PPAT: variants seen among roughly 807,000 people sequenced by gnomAD.
The protein encoded by PPAT is amidophosphoribosyltransferase.
Under a neutral mutation model 60.2 loss-of-function variants are expected in PPAT, and 20 were observed. The observed-to-expected ratio is 0.33, with a 90% confidence interval of 0.23 to 0.48. PPAT has a LOEUF of 0.48. PPAT is among the 20% of genes least tolerant of loss of function. The pLI is 0.99. For synonymous variants in PPAT, 194 were observed against 215.1 expected, an observed-to-expected ratio of 0.90 and a Z score of 0.86; for missense variants, 349 against 629.6, an observed-to-expected ratio of 0.55 and a Z score of 4.77.
intron 4 of PPAT, 22 bp from the exon 5 acceptor site, chr4:56,403,207 A>G (rs1307722446): frequency 3.7e-6 from 6 of 1,600,230 alleles, no homozygotes; most frequent in African/African-American, 2.7e-5. Context: ...TAAATAATTG[A>G]ATGAATAACT....
intron 1 of PPAT, among the ~76,000 whole-genome samples, chr4:56,417,673 C>A (rs1177479964): frequency 1.3e-5 from 2 of 152,010 alleles, no homozygotes; most frequent in African/African-American, 2.4e-5. Flanking sequence ...GTAGTCCCAG[C>A]TACTTGTGAG....
chr4:56,421,038 C>A (rs1050556228), intron 1 of PPAT: 1 of 152,132 alleles, frequency 6.6e-6, no homozygotes, highest in Non-Finnish European at 1.5e-5. Flanking sequence ...GAGTGGTGGG[C>A]GAGCCAAGCT....
chr4:56,427,494 G>A (rs542805775), intron 1 of PPAT, among the ~76,000 whole-genome samples: 13 of 152,172 alleles, frequency 8.5e-5, no homozygotes, highest in African/African-American at 3.1e-4. Context: ...CAACAAGAGT[G>A]ATTTAAACAC....
intron 1 of PPAT, among the ~76,000 whole-genome samples, chr4:56,413,318 C>T (rs755903233): frequency 6.6e-6 from 1 of 152,080 alleles, no homozygotes; most frequent in Non-Finnish European, 1.5e-5. Context: ...CCATGCCCAG[C>T]TAGTTTTTGT....
chr4:56,410,719 T>C (rs1440495826), intron 1 of PPAT: 2 of 986,478 alleles, frequency 2.0e-6, no homozygotes, highest in Non-Finnish European at 2.4e-6. Flanking sequence ...ATCTCAAATA[T>C]GAATATAGAA....
rs6843073 is a variant in PPAT, at chr4:56,435,515, G to A, written c.-38C>T. The A allele has an allele frequency of 0.046, 74,038 of 1,612,258 alleles. 2,278 individuals carry two copies. Among genetic ancestry groups the A allele is most frequent in the Admixed American group, 0.13 (7,530 of 60,010 alleles). ...AGCACGTGGAAGGACCTGCCGCTGC[G>A]GCCAAGGTGTAAGCACCAACCAGCT... On this transcript the variant is annotated 5_prime_UTR_variant, in exon 1 of 11. Coordinates refer to ENST00000264220, the MANE Select transcript of PPAT (RefSeq NM_002703.5).
intron 1 of PPAT, chr4:56,419,918 T>C: frequency 1.0e-6 from 1 of 984,052 alleles, no homozygotes; most frequent in Non-Finnish European, 1.2e-6. Context: ...TGACTAAGAG[T>C]ATGAAATTTT....
Position 56,435,463 on chromosome 4 carries a change from C to T in PPAT, c.15G>A (p.Glu5=). Residue 5 remains glutamate (E), a synonymous_variant, in exon 1 of 11, where the codon GAG becomes GAA. Transcript: ENST00000264220. The part of the protein sequence containing the change: MELE[E]LGIREECGVF... ...CGCCACATTCCTCTCGGATCCCCAA[C>T]TCCTCCAGCTCCATGTCGCCGCCGA... is the stretch of plus-strand genomic sequence containing the variant. 6.2e-7 allele frequency: 1 copy of T among 1,613,716 alleles called. No individual in the cohort carries two copies. Among genetic ancestry groups the T allele is most frequent in the Non-Finnish European group, 8.5e-7 (1 of 1,179,946 alleles).
intron 1 of PPAT, among the ~76,000 whole-genome samples, chr4:56,430,460 T>A (rs2110068367): frequency 6.6e-6 from 1 of 152,292 alleles, no homozygotes; most frequent in East Asian, 1.9e-4. Flanking sequence ...CTGCCCTGTA[T>A]GGTAAAGTAT....
rs763183558 is a variant in PPAT at position 56,401,401 on chromosome 4, G to C, written c.815C>G (p.Ser272Cys). 1.2e-6 allele frequency: 2 copies of C among 1,608,118 alleles called. No individual in the cohort carries two copies. The highest frequency in any genetic ancestry group is 3.4e-5 in the Admixed American group (2 of 59,632). ...ACAAAAAGCCACTGGGTTTCCTTCA[G>C]ACCTTGATATAATATCAAGAGTTTG... is the stretch of plus-strand genomic sequence containing the variant. The part of the protein sequence containing the change: ...NVQTLDIISR[S>C]EGNPVAFCIF... The change falls in exon 7 of 11, where the codon TCT becomes TGT. Residue 272 changes from serine to cysteine, a missense_variant. Ser to Cys is a moderately radical substitution (Grantham distance 112). Transcript: ENST00000264220.
chr4:56,423,478 T>A (rs1259187405), intron 1 of PPAT: 1 of 152,032 alleles, frequency 6.6e-6, no homozygotes, highest in African/African-American at 2.4e-5. Flanking sequence ...AATAAAATTT[T>A]AAAAAATAAG....
chr4:56,419,625 T>A, intron 1 of PPAT: 1 of 969,710 alleles, frequency 1.0e-6, no homozygotes, highest in Non-Finnish European at 1.2e-6. Context: ...TATCTCTACG[T>A]CAGTATTGGA....
intron 1 of PPAT, among the ~76,000 whole-genome samples, chr4:56,410,364 T>C (rs1284848789): frequency 6.6e-6 from 1 of 152,206 alleles, no homozygotes; most frequent in African/African-American, 2.4e-5. Flanking sequence ...CCTGCTTATT[T>C]GGCAGTTTCT....
intron 1 of PPAT, among the ~76,000 whole-genome samples, chr4:56,435,120 C>T (rs1046375436): frequency 6.6e-6 from 1 of 152,154 alleles, no homozygotes; most frequent in African/African-American, 2.4e-5. Flanking sequence ...GAGAGAGCCC[C>T]TAAAAGGCAT....
chr4:56,425,794 T>C (rs1336792835), intron 1 of PPAT, among the ~76,000 whole-genome samples: 6 of 152,120 alleles, frequency 3.9e-5, no homozygotes, highest in African/African-American at 1.4e-4. Flanking sequence ...GGAGGTTGAG[T>C]TCCATCTTGC....
chr4:56,411,888 TAAC>T (rs1348993975), intron 1 of PPAT, among the ~76,000 whole-genome samples: 1 of 152,164 alleles, frequency 6.6e-6, no homozygotes, highest in Non-Finnish European at 1.5e-5. Flanking sequence ...TACAGCTCAG[TAAC>T]AAATCATTTC....
intron 1 of PPAT, among the ~76,000 whole-genome samples, chr4:56,424,654 A>C (rs1039838038): frequency 6.6e-6 from 1 of 152,222 alleles, no homozygotes; most frequent in Non-Finnish European, 1.5e-5. Flanking sequence ...CCCTGGTCTG[A>C]AGCATAAGCG....
At chr4:56,433,397 T>TAAA (rs34598008) in intron 1 of PPAT, among the ~76,000 whole-genome samples, 3 of 118,246 alleles carry the variant, frequency 2.5e-5, no homozygotes, top group East Asian at 2.4e-4. Flanking sequence ...TGGTATTCAT[T>TAAA]AAAAAAAAAA....
intron 1 of PPAT, chr4:56,423,601 G>A (rs1244948908): frequency 6.6e-6 from 1 of 151,838 alleles, no homozygotes; most frequent in Non-Finnish European, 1.5e-5. Context: ...ACTTACTTAA[G>A]TACAACCTCA....
Sources: allele counts gnomAD v4.1 joint callset (sites outside exome capture counted in the v4.1 genomes callset), GRCh38; gene constraint gnomAD v4.1.1; transcripts MANE v1.5; gene names NCBI Gene and HGNC (gene_info 2026-07-23, HGNC 2026-07-21).